MICOS13: variants seen among roughly 807,000 people sequenced by gnomAD.
MICOS13 encodes the protein MICOS complex subunit MIC13.
MICOS13 carries 15 observed loss-of-function variants against 16.1 expected under a neutral mutation model. That is an observed-to-expected ratio of 0.93 (90% CI 0.62 to 1.44). MICOS13 has a LOEUF of 1.44. Ranked by LOEUF, MICOS13 falls within the 40% of genes most tolerant of loss-of-function variation. The pLI is 0.00. For missense variants in MICOS13, 164 were observed against 155.0 expected, an observed-to-expected ratio of 1.06 and a Z score of -0.31; for synonymous variants, 61 against 62.6, an observed-to-expected ratio of 0.97 and a Z score of 0.12.
Position 5,679,333 on chromosome 19 carries a change from TG to T in MICOS13, c.259+11del. On this transcript the variant is annotated intron_variant, in intron 3 of 3. Transcript: ENST00000309324. ...GGTGTCTCCCTCCAAGCAAAGAAAC[TG>T]GGTGCCTTACCTGCATTCCAGGAGT... The T allele has an allele frequency of 6.2e-7, 1 of 1,611,768 alleles. No homozygotes were observed. The highest frequency in any genetic ancestry group is 8.5e-7 in the Non-Finnish European group (1 of 1,178,558).
chr19:5,680,055 C>G, intron 1 of MICOS13: 5 of 1,523,802 alleles, frequency 3.3e-6, no homozygotes, highest in Non-Finnish European at 4.4e-6. Context: ...AGATCTTGAC[C>G]TTCTAGAAGC....
Position 5,679,736 on chromosome 19 carries a change from C to T in MICOS13, c.57G>A (p.Gly19=). 1 of 1,608,154 alleles carries T rather than the reference C, an allele frequency of 6.2e-7. No homozygotes were observed. Among genetic ancestry groups the T allele is most frequent in the Non-Finnish European group, 8.5e-7 (1 of 1,178,740 alleles). The change falls in exon 2 of 4, where the codon GGG becomes GGA. Residue 19 remains glycine (G), a synonymous_variant. Coordinates refer to ENST00000309324, the MANE Select transcript of MICOS13 (RefSeq NM_205767.3). Reference sequence around the variant, plus strand: ...GGTCGTACACCAGGTAGACGGCGCCCCCAGCCACACTTCCCTTGATGAGGA... The same window carrying T: ...GGTCGTACACCAGGTAGACGGCGCCTCCAGCCACACTTCCCTTGATGAGGA... ...MRFLIKGSVA[G]GAVYLVYDQE... is the part of the protein sequence containing the mutation.
At position 5,680,497 on chromosome 19, in the gene MICOS13, A is replaced by C. The variant is rs765621502; in HGVS notation, c.-11T>G. The C allele has an allele frequency of 5.6e-6, 9 of 1,605,356 alleles. No homozygotes were observed. The South Asian group carries it at 7.7e-5, about 14-fold the overall frequency. On this transcript the variant is annotated 5_prime_UTR_variant, in exon 1 of 4. Coordinates refer to ENST00000309324, the MANE Select transcript of MICOS13 (RefSeq NM_205767.3). ...CACCCGGGCCACCATGGTCGCTCGGATCCACGCGCAAGGACACTCGGCTCG... is the reference window on the plus strand; with the variant it reads ...CACCCGGGCCACCATGGTCGCTCGGCTCCACGCGCAAGGACACTCGGCTCG...
intron 3 of MICOS13, 85 bp from the exon 4 acceptor site, chr19:5,678,733 T>TTTTTTG (rs2145518557): frequency 4.0e-6 from 1 of 252,184 alleles, no homozygotes; most frequent in Non-Finnish European, 7.3e-6. Context: ...GAGTTTGTTT[T>TTTTTTG]GGGCGGTGGG....
rs373506037 is a variant in MICOS13 at position 5,680,505 on chromosome 19, G to T, written c.-19C>A. Reference sequence around the variant, plus strand: ...CCACCATGGTCGCTCGGATCCACGCGCAAGGACACTCGGCTCGCCCGCCGC... The same window carrying T: ...CCACCATGGTCGCTCGGATCCACGCTCAAGGACACTCGGCTCGCCCGCCGC... On this transcript the variant is annotated 5_prime_UTR_variant, in exon 1 of 4. Transcript: ENST00000309324. The T allele has an allele frequency of 8.1e-6, 13 of 1,600,370 alleles. No homozygotes were observed. The highest frequency in any genetic ancestry group is 9.4e-6 in the Non-Finnish European group (11 of 1,176,460).
chr19:5,680,379 G>A, intron 1 of MICOS13, 79 bp downstream of exon 1: 2 of 1,605,518 alleles, frequency 1.2e-6, no homozygotes, highest in Non-Finnish European at 1.7e-6. Flanking sequence ...AGAGCAGATC[G>A]GGACCAGACT....
chr19:5,679,740 G>A lies in MICOS13; in HGVS notation c.53C>T (p.Ala18Val), dbSNP rs770063182. The A allele has an allele frequency of 3.1e-6, 5 of 1,607,032 alleles. No homozygotes were observed. The highest frequency in any genetic ancestry group is 4.5e-5 in the East Asian group (2 of 44,724). ...GTACACCAGGTAGACGGCGCCCCCA[G>A]CCACACTTCCCTTGATGAGGAACCT... ...LMRFLIKGSVAGGAVYLVYDQ... is the reference protein window; with the variant it reads ...LMRFLIKGSVVGGAVYLVYDQ... Residue 18 changes from alanine to valine, a missense_variant, in exon 2 of 4, where the codon GCT (alanine) becomes GTT (valine). By Grantham distance (64) the Ala-to-Val change is moderately conservative. Coordinates refer to ENST00000309324, the MANE Select transcript of MICOS13 (RefSeq NM_205767.3).
chr19:5,679,842 T>A, intron 1 of MICOS13, 79 bp from the exon 2 acceptor site: 1 of 1,495,064 alleles, frequency 6.7e-7, no homozygotes, highest in East Asian at 2.5e-5. Flanking sequence ...ACGGGGAGAG[T>A]GAGACCCTCC....
rs1355110299 is a variant in MICOS13, at chr19:5,678,588, T to C, written c.320A>G (p.Lys107Arg). 1.3e-5 allele frequency: 20 copies of C among 1,549,508 alleles called. No individual in the cohort carries two copies. The highest frequency in any genetic ancestry group is 5.9e-5 in the Admixed American group (3 of 50,868). The change falls in exon 4 of 4, where the codon AAG becomes AGG. Residue 107 changes from lysine (K) to arginine (R), a missense_variant. By Grantham distance (26) the Lys-to-Arg change is conservative (BLOSUM62 2). Transcript: ENST00000309324. ...VAPSKAREYSKEGWEYVKART... is the reference protein window; with the variant it reads ...VAPSKAREYSREGWEYVKART... ...CGCCTTCACATACTCCCAGCCCTCCTTGGAGTACTCGCGGGCCTTGGAGGG... is the reference window on the plus strand; with the variant it reads ...CGCCTTCACATACTCCCAGCCCTCCCTGGAGTACTCGCGGGCCTTGGAGGG...
intron 1 of MICOS13, 113 bp from the exon 2 acceptor site, chr19:5,679,876 G>T: frequency 7.1e-7 from 1 of 1,412,210 alleles, no homozygotes; most frequent in South Asian, 1.3e-5. Flanking sequence ...TCCACAGGGT[G>T]ACACTCTGTA....
intron 3 of MICOS13, chr19:5,679,120 CA>C (rs1205392946): frequency 3.8e-6 from 2 of 528,772 alleles, no homozygotes; most frequent in African/African-American, 3.8e-5. Context: ...CCATGTTGCC[CA>C]GGCTGGTCTC....
At position 5,680,427 on chromosome 19, in the gene MICOS13, G is replaced by A. The variant is rs45591133; in HGVS notation, c.29+31C>T. The stretch of plus-strand genomic sequence containing the variant: ...GCCCACAAAAATGGACTTTTTCGGG[G>A]ACTCGGGTCCCCTCCGGCGCCCCCA... On this transcript the variant is annotated intron_variant, in intron 1 of 3. Transcript: ENST00000309324. 3,467 of 1,613,204 alleles carry A rather than the reference G, an allele frequency of 2.1e-3. 5 individuals are homozygous for A. The highest frequency in any genetic ancestry group is 2.6e-3 in the Non-Finnish European group (3,012 of 1,179,818).
At chr19:5,679,992 G>T (rs116939229) in intron 1 of MICOS13, 4 of 1,477,456 alleles carry the variant, frequency 2.7e-6, no homozygotes, top group African/African-American at 2.8e-5. Flanking sequence ...AAACCCAGAG[G>T]GGGAGAGTGG....
At chr19:5,679,877 A>T in intron 1 of MICOS13, 114 bp from the exon 2 acceptor site, 2 of 1,390,494 alleles carry the variant, frequency 1.4e-6, no homozygotes, top group Non-Finnish European at 1.9e-6. Context: ...CCACAGGGTG[A>T]CACTCTGTAG....
At chr19:5,678,753 G>T in intron 3 of MICOS13, 105 bp from the exon 4 acceptor site, 1 of 610,968 alleles carries the variant, frequency 1.6e-6, no homozygotes, top group Non-Finnish European at 2.8e-6. Flanking sequence ...GGGGTGGGTG[G>T]GGGGCGGGGA....
rs377165763 is a variant in MICOS13, at chr19:5,679,132, G to T, written c.259+213C>A. 17 of 552,222 alleles carry T rather than the reference G, an allele frequency of 3.1e-5. No individual in the cohort carries two copies. In the East Asian group the frequency reaches 4.5e-4, roughly 15 times the overall value. 34.2% of individuals were successfully genotyped at this position (552,222 alleles called of 1,614,324 possible). Reference sequence around the variant, plus strand: ...TCACCATGTTGCCCAGGCTGGTCTCGAACTCCTGACTTCAGATGATCCGCC... The same window carrying T: ...TCACCATGTTGCCCAGGCTGGTCTCTAACTCCTGACTTCAGATGATCCGCC... On this transcript the variant is annotated intron_variant, in intron 3 of 3. Transcript: ENST00000309324.
chr19:5,679,519 A>G (rs1049498252), intron 2 of MICOS13, 67 bp downstream of exon 2: 44 of 1,591,054 alleles, frequency 2.8e-5, no homozygotes, highest in Non-Finnish European at 3.5e-5. Context: ...AACATCGTGC[A>G]GGGCTGGAGG....
At chr19:5,679,858 G>A in intron 1 of MICOS13, 95 bp from the exon 2 acceptor site, 2 of 1,442,856 alleles carry the variant, frequency 1.4e-6, no homozygotes, top group Non-Finnish European at 1.9e-6. Flanking sequence ...CCTCCTGAGG[G>A]CTCACCGTCC....
rs768243360 is a variant in MICOS13 at position 5,679,787 on chromosome 19, AGAAG to A, written c.30-28_30-25del. ...ACCTGCGGGCAGGGACGGGAGGAGCAGAAGCTCAGCGGACACTGACAGCCACCCT... is the reference window on the plus strand; with the variant it reads ...ACCTGCGGGCAGGGACGGGAGGAGCACTCAGCGGACACTGACAGCCACCCT... On this transcript the variant is annotated intron_variant, in intron 1 of 3. Transcript: ENST00000309324. 1.8e-5 allele frequency: 29 copies of A among 1,569,306 alleles called. No homozygotes were observed. In the Admixed American group the frequency reaches 5.6e-4, roughly 30 times the overall value.
Sources: allele counts gnomAD v4.1 joint callset, GRCh38; gene constraint gnomAD v4.1.1; transcripts MANE v1.5; gene names NCBI Gene and HGNC (gene_info 2026-07-23, HGNC 2026-07-21).